UNKL: variants seen among roughly 807,000 people sequenced by gnomAD.
The protein encoded by UNKL is unk like zinc finger, also known as putative E3 ubiquitin-protein ligase UNKL.
A neutral mutation model predicts 78.0 loss-of-function variants in UNKL; 60 were observed. That is an observed-to-expected ratio of 0.77 (90% confidence interval 0.63 to 0.95). The LOEUF (loss-of-function observed/expected upper bound fraction) is 0.95. Ranked by LOEUF, UNKL falls within the 40% of genes least tolerant of loss-of-function variation. The pLI is 0.00. For synonymous variants in UNKL, 608 were observed against 474.8 expected (o/e 1.28, Z -3.65); for missense variants, 1,159 against 1,045.7 (o/e 1.11, Z -1.49).
rs2036864042 is a variant in UNKL, at chr16:1,387,553, T to TACC, written c.1087-2171_1087-2169dup. Among the ~76,000 whole-genome samples, 1 of 152,102 alleles carries TACC rather than the reference T, an allele frequency of 6.6e-6. No individual in the cohort carries two copies. On this transcript the variant is annotated intron_variant, in intron 9 of 14. Coordinates refer to ENST00000389221, the MANE Select transcript of UNKL (RefSeq NM_001372107.1). This position sits in a 1 kb window ranked among gnomAD's most constrained non-coding sequence, Gnocchi z 4.1. ...GATCGGGGAGGGAGCCGACCTTCTC[T>TACC]ACCAGCAAAGGACAGGGCCACCTGG... is the stretch of plus-strand genomic sequence containing the variant.
chr16:1,382,257 A>G (rs8054315), intron 10 of UNKL, among the ~76,000 whole-genome samples: 133,756 of 152,252 alleles, frequency 0.88, 58,880 homozygotes, highest in East Asian at 1. Flanking sequence ...CCCACACCAC[A>G]TGCTTCCTCC....
At chr16:1,384,648 G>C (rs967974201) in intron 10 of UNKL, among the ~76,000 whole-genome samples, 2 of 152,048 alleles carry the variant, frequency 1.3e-5, no homozygotes, top group Non-Finnish European at 2.9e-5. Context: ...ACCCAGGCTG[G>C]AGTACAGTGG....
At chr16:1,372,289 A>C (rs1240936745) in intron 10 of UNKL, among the ~76,000 whole-genome samples, 6 of 152,034 alleles carry the variant, frequency 3.9e-5, no homozygotes, top group Non-Finnish European at 5.9e-5. Flanking sequence ...AAAAACAAAA[A>C]AAAAACTTTC....
rs141317906 is a variant in UNKL at position 1,380,285 on chromosome 16, C to T, written c.1264+4923G>A. The stretch of plus-strand genomic sequence containing the variant: ...CCTGAAGGAAACTGTACTATTAACA[C>T]AAGGAAAAAACGACCCAGTCTACAC... On this transcript the variant is annotated intron_variant, in intron 10 of 14. Transcript: ENST00000389221. Among the ~76,000 whole-genome samples, 378 of 151,440 alleles carry T rather than the reference C, an allele frequency of 2.5e-3. 2 individuals are homozygous for T. Among genetic ancestry groups the T allele is most frequent in the African/African-American group, 8.4e-3 (347 of 41,354 alleles).
intron 8 of UNKL, among the ~76,000 whole-genome samples, chr16:1,391,073 C>A (rs1240398723): frequency 1.3e-5 from 2 of 151,694 alleles, no homozygotes; most frequent in African/African-American, 4.8e-5. Context: ...TCGCTTGAAC[C>A]CAGGAGGTGG....
intron 6 of UNKL, chr16:1,395,694 C>G (rs772057540): frequency 5.7e-5 from 26 of 456,394 alleles, no homozygotes; most frequent in Admixed American, 3.5e-4. Flanking sequence ...ATTTATGGTG[C>G]GGCTGTGGCC....
chr16:1,391,260 AC>A (rs1567223754), intron 8 of UNKL, among the ~76,000 whole-genome samples: 145 of 150,070 alleles, frequency 9.7e-4, no homozygotes, highest in South Asian at 2.3e-3. Flanking sequence ...ACACACACAC[AC>A]ACACACACAC....
chr16:1,398,874 T>C, intron 5 of UNKL: 2 of 1,575,578 alleles, frequency 1.3e-6, no homozygotes, highest in Admixed American at 1.9e-5. Flanking sequence ...GTGTGCACCC[T>C]GGGCAGGGCG....
At chr16:1,409,428 GC>G (rs1210691889) in intron 2 of UNKL, among the ~76,000 whole-genome samples, 1 of 152,108 alleles carries the variant, frequency 6.6e-6, no homozygotes, top group African/African-American at 2.4e-5. Context: ...AGGGGAGGCA[GC>G]CTGTCAGACA....
intron 10 of UNKL, among the ~76,000 whole-genome samples, chr16:1,375,152 T>C (rs1017691211): frequency 6.6e-6 from 1 of 152,078 alleles, no homozygotes; most frequent in Non-Finnish European, 1.5e-5. Context: ...AGCCGGAGTA[T>C]CCTCGTGCCG....
chr16:1,396,053 G>A (rs1188331509), intron 6 of UNKL, among the ~76,000 whole-genome samples: 7 of 151,410 alleles, frequency 4.6e-5, no homozygotes, highest in Admixed American at 1.3e-4. Context: ...AGTGATCCTC[G>A]CGCCTCAGCC....
chr16:1,377,929 C>T (rs959817725), intron 10 of UNKL, among the ~76,000 whole-genome samples: 1 of 152,204 alleles, frequency 6.6e-6, no homozygotes, highest in African/African-American at 2.4e-5. Flanking sequence ...GCAATAGTAA[C>T]CTTCCTACCA....
intron 2 of UNKL, among the ~76,000 whole-genome samples, chr16:1,411,637 C>CAACA (rs1282732566): frequency 6.6e-6 from 1 of 152,096 alleles, no homozygotes; most frequent in East Asian, 1.9e-4. Context: ...CCAGCCTGAC[C>CAACA]AACATGTAGA....
At chr16:1,377,495 C>A (rs2036323538) in intron 10 of UNKL, among the ~76,000 whole-genome samples, 2 of 152,026 alleles carry the variant, frequency 1.3e-5, no homozygotes, top group Non-Finnish European at 2.9e-5. Context: ...AGGAGACCCC[C>A]CCTCTGCCTC....
chr16:1,397,243 G>C lies in UNKL; in HGVS notation c.787C>G (p.Arg263Gly), dbSNP rs567292817. 3 of 1,543,118 alleles carry C rather than the reference G, an allele frequency of 1.9e-6. No homozygotes were observed. Among genetic ancestry groups the C allele is most frequent in the Admixed American group, 2.0e-5 (1 of 50,994 alleles). ...KHGDEWGEPSRCDGGDGCQYC... is the reference protein window; with the variant it reads ...KHGDEWGEPSGCDGGDGCQYC... ...TGGCAGCCGTCGCCGCCATCGCAGC[G>C]TGAGGGTTCCCCCCACTCATCCCCG... The change falls in exon 6 of 15, where the codon CGC (arginine) becomes GGC (glycine). Residue 263 changes from arginine to glycine, a missense_variant. Physicochemically the swap from Arg to Gly is moderately radical, Grantham distance 125 (BLOSUM62 -2). Coordinates refer to ENST00000389221, the MANE Select transcript of UNKL (RefSeq NM_001372107.1).
chr16:1,367,917 T>C (rs1246021159), intron 12 of UNKL, 59 bp from the exon 13 acceptor site: 2 of 1,452,654 alleles, frequency 1.4e-6, no homozygotes, highest in Non-Finnish European at 1.9e-6. Context: ...CTGGTGGGAT[T>C]GGTGGGTGCT....
In UNKL at chr16:1,399,522, C is replaced by A. The variant is rs775566376; in HGVS notation, c.599-13G>T. The A allele has an allele frequency of 1.3e-6, 2 of 1,586,684 alleles. No homozygotes were observed. The highest frequency in any genetic ancestry group is 1.7e-6 in the Non-Finnish European group (2 of 1,167,966). The stretch of plus-strand genomic sequence containing the variant: ...ACGAAGTTGGCATCTGAAAAATGGG[C>A]CACACGGTGCCTGAGCAGCGCGACT... On this transcript the variant is annotated splice_polypyrimidine_tract_variant and intron_variant, in intron 4 of 14. Coordinates refer to ENST00000389221, the MANE Select transcript of UNKL (RefSeq NM_001372107.1). The surrounding 1 kb of genome is among the most constrained non-coding windows in gnomAD (Gnocchi z 5.8).
At position 1,367,871 on chromosome 16, in the gene UNKL, C is replaced by T. The variant is rs562744875; in HGVS notation, c.1586-13G>A. ...ACACCGTTCAAACCTGAGTGTGAAA[C>T]GGTCGATGACGGCCCAGCCCTGCTG... On this transcript the variant is annotated splice_polypyrimidine_tract_variant and intron_variant, in intron 12 of 14. Coordinates refer to ENST00000389221, the MANE Select transcript of UNKL (RefSeq NM_001372107.1). 27 of 1,544,902 alleles carry T rather than the reference C, an allele frequency of 1.7e-5. No individual in the cohort carries two copies. Among genetic ancestry groups the T allele is most frequent in the Admixed American group, 7.8e-5 (4 of 51,226 alleles).
intron 9 of UNKL, among the ~76,000 whole-genome samples, chr16:1,386,131 G>A (rs774015186): frequency 1.3e-5 from 2 of 152,232 alleles, no homozygotes; most frequent in Admixed American, 6.5e-5. Flanking sequence ...GTTTCTGGCT[G>A]GGCACAGTGG....
Sources: allele counts gnomAD v4.1 joint callset (sites outside exome capture counted in the v4.1 genomes callset), GRCh38; gene constraint gnomAD v4.1.1; non-coding constraint Gnocchi (gnomAD v3.1); transcripts MANE v1.5; gene names NCBI Gene and HGNC (gene_info 2026-07-23, HGNC 2026-07-21).